Variants in IGSF21 observed in about 807,000 individuals in gnomAD.
IGSF21 encodes immunoglobulin superfamily member 21.
A neutral mutation model predicts 46.8 loss-of-function variants in IGSF21; 28 were observed. The observed-to-expected ratio is 0.60, with a 90% confidence interval of 0.44 to 0.82. The LOEUF (loss-of-function observed/expected upper bound fraction) is 0.82. IGSF21 is among the 40% of genes least tolerant of loss of function. IGSF21 has a pLI of 0.00. For synonymous variants in IGSF21, 284 were observed against 273.6 expected, an observed-to-expected ratio of 1.04 and a Z score of -0.38; for missense variants, 624 against 665.5, an observed-to-expected ratio of 0.94 and a Z score of 0.69.
At chr1:18,200,683 T>A (rs952181612) in intron 1 of IGSF21, among the ~76,000 whole-genome samples, 2 of 152,218 alleles carry the variant, frequency 1.3e-5, no homozygotes. Context: ...TATTTCCAAA[T>A]GAGGCCACAG....
intron 1 of IGSF21, among the ~76,000 whole-genome samples, chr1:18,123,449 A>C (rs763819166): frequency 6.6e-6 from 1 of 152,216 alleles, no homozygotes; most frequent in Non-Finnish European, 1.5e-5. Flanking sequence ...CCAGAGACAA[A>C]TAAGACCCAG....
chr1:18,171,514 C>A (rs749542168), intron 1 of IGSF21, among the ~76,000 whole-genome samples: 3 of 152,152 alleles, frequency 2.0e-5, no homozygotes, highest in African/African-American at 4.8e-5. Flanking sequence ...CAGTCCCCAG[C>A]GTCAGAAAGT....
At chr1:18,377,523 C>A in intron 9 of IGSF21, 92 bp downstream of exon 9, 1 of 993,046 alleles carries the variant, frequency 1.0e-6, no homozygotes, top group Non-Finnish European at 1.6e-6. Context: ...CATATGCACA[C>A]CCTTGCCACT....
At chr1:18,247,659 G>C (rs183109295) in intron 2 of IGSF21, among the ~76,000 whole-genome samples, 1 of 152,252 alleles carries the variant, frequency 6.6e-6, no homozygotes, top group East Asian at 1.9e-4. Context: ...ACTCTGGCAA[G>C]GGCTGGCAAA....
At chr1:18,197,313 C>G (rs934916791) in intron 1 of IGSF21, among the ~76,000 whole-genome samples, 3 of 152,074 alleles carry the variant, frequency 2.0e-5, no homozygotes. Context: ...GTGTCTGGAC[C>G]CAGGAGGGGT....
At chr1:18,164,314 C>G (rs1002175213) in intron 1 of IGSF21, among the ~76,000 whole-genome samples, 15 of 151,996 alleles carry the variant, frequency 9.9e-5, no homozygotes, top group African/African-American at 3.1e-4. Flanking sequence ...TTTCTTCCCT[C>G]CCTCTCTTCC....
In IGSF21 at chr1:18,309,059, C is replaced by G. The variant is rs573248091; in HGVS notation, c.305+17072C>G. Among the ~76,000 whole-genome samples the G allele has an allele frequency of 3.1e-4, 47 of 152,018 alleles. 1 individual carries two copies. The South Asian group carries it at 9.4e-3, about 30-fold the overall frequency. On this transcript the variant is annotated intron_variant, in intron 3 of 9. Transcript: ENST00000251296. Reference sequence around the variant, plus strand: ...AGAGCTCCACCAGCTGGGTGAGAGCCCCCTCACTGCATACCCCCATACTCC... The same window carrying G: ...AGAGCTCCACCAGCTGGGTGAGAGCGCCCTCACTGCATACCCCCATACTCC...
intron 1 of IGSF21, among the ~76,000 whole-genome samples, chr1:18,151,131 CCTTTCATCA>C (rs745700317): frequency 3.9e-5 from 6 of 152,188 alleles, no homozygotes; most frequent in Non-Finnish European, 8.8e-5. Flanking sequence ...TGTGGAGGGA[CCTTTCATCA>C]CTTCATTTAG....
intron 1 of IGSF21, among the ~76,000 whole-genome samples, chr1:18,156,807 T>G (rs1022284155): frequency 6.6e-6 from 1 of 152,124 alleles, no homozygotes; most frequent in African/African-American, 2.4e-5. Context: ...AGGCTGGAAG[T>G]GAGAGCGGAC....
Position 18,358,074 on chromosome 1 carries a change from G to A in IGSF21, c.425-4041G>A, listed in dbSNP as rs753210423. Among the ~76,000 whole-genome samples, 6 of 151,938 alleles carry A rather than the reference G, an allele frequency of 3.9e-5. No homozygotes were observed. The South Asian group carries it at 8.3e-4, about 21-fold the overall frequency. ...GTGTGTGTGTGTGTGTGAATGTTTA[G>A]GGGGGTGAAGGGTGTAAGCGCCATG... is the stretch of plus-strand genomic sequence containing the variant. On this transcript the variant is annotated intron_variant, in intron 4 of 9. Coordinates refer to ENST00000251296, the MANE Select transcript of IGSF21 (RefSeq NM_032880.5).
intron 1 of IGSF21, among the ~76,000 whole-genome samples, chr1:18,218,506 C>T (rs1473892748): frequency 6.6e-6 from 1 of 152,142 alleles, no homozygotes; most frequent in Non-Finnish European, 1.5e-5. Flanking sequence ...TTCACTAATT[C>T]AAATATAAAA....
chr1:18,125,546 G>A (rs1257431532), intron 1 of IGSF21, among the ~76,000 whole-genome samples: 1 of 152,196 alleles, frequency 6.6e-6, no homozygotes, highest in African/African-American at 2.4e-5. Flanking sequence ...ACCTGCTCAG[G>A]GAAGGAAGGG....
intron 1 of IGSF21, among the ~76,000 whole-genome samples, chr1:18,198,595 A>G (rs1252035346): frequency 6.6e-6 from 1 of 152,246 alleles, no homozygotes; most frequent in Non-Finnish European, 1.5e-5. Context: ...AAGGCCTGCC[A>G]GGCGCTTTCT....
intron 1 of IGSF21, among the ~76,000 whole-genome samples, chr1:18,132,168 AATGG>A (rs3045379): frequency 0.35 from 53,191 of 150,990 alleles, 9,907 homozygotes; most frequent in East Asian, 0.7. Flanking sequence ...TATCTGGATG[AATGG>A]ATGGATGGAT....
At position 18,359,314 on chromosome 1, in the gene IGSF21, A is replaced by G. The variant is rs1283891764; in HGVS notation, c.425-2801A>G. ...AAAAAAAAGAAAAAGAAAAGAAAGA[A>G]AGAGAGAGAGAGAAAGAGAAAGAAA... On this transcript the variant is annotated intron_variant, in intron 4 of 9. Coordinates refer to ENST00000251296, the MANE Select transcript of IGSF21 (RefSeq NM_032880.5). Among the ~76,000 whole-genome samples, 8 of 141,426 alleles carry G rather than the reference A, an allele frequency of 5.7e-5. 1 individual carries two copies. The East Asian group carries it at 8.4e-4, about 15-fold the overall frequency. The allele number at this position is 141,426 out of a possible 152,430, so 92.8% of individuals were successfully genotyped here. A position where few individuals can be genotyped will look rare whatever the true frequency, so the allele number is the denominator to read the frequency against.
In IGSF21 at chr1:18,262,926, A is replaced by G. The variant is rs149460365; in HGVS notation, c.184-28940A>G. Among the ~76,000 whole-genome samples the G allele has an allele frequency of 1.6e-4, 24 of 152,260 alleles. 1 individual carries two copies. Among genetic ancestry groups the G allele is most frequent in the African/African-American group, 5.3e-4 (22 of 41,556 alleles). On this transcript the variant is annotated intron_variant, in intron 2 of 9. Transcript: ENST00000251296. ...TGCACACTGAATGCCGTGGGAATGG[A>G]ATGCATTGGCCGCTTCCCCTTCCCC...
chr1:18,156,180 G>A (rs1386901635), intron 1 of IGSF21, among the ~76,000 whole-genome samples: 5 of 152,158 alleles, frequency 3.3e-5, no homozygotes, highest in Admixed American at 6.5e-5. Flanking sequence ...GGGCATCCAG[G>A]GCTGGGGCTG....
chr1:18,225,085 T>TCACACACACACACACACACA (rs529286231), intron 1 of IGSF21, among the ~76,000 whole-genome samples: 13 of 51,604 alleles, frequency 2.5e-4, no homozygotes, highest in Non-Finnish European at 3.6e-4. Flanking sequence ...TCTCTCTCTC[T>TCACACACACACACACACACA]CACACACACA....
chr1:18,215,269 A>G (rs1294713961), intron 1 of IGSF21, among the ~76,000 whole-genome samples: 3 of 152,248 alleles, frequency 2.0e-5, no homozygotes, highest in Non-Finnish European at 4.4e-5. Context: ...GGATTCATTC[A>G]TTCATTCAAT....
Sources: allele counts gnomAD v4.1 joint callset (sites outside exome capture counted in the v4.1 genomes callset), GRCh38; gene constraint gnomAD v4.1.1; transcripts MANE v1.5; gene names NCBI Gene and HGNC (gene_info 2026-07-23, HGNC 2026-07-21).